Variants in SUGP2 observed in about 807,000 individuals in gnomAD.
SUGP2 encodes the protein SURP and G-patch domain containing 2, also known as SURP and G-patch domain-containing protein 2.
In SUGP2, 24 loss-of-function variants were observed where a neutral mutation model predicts 90.5. The observed-to-expected ratio is 0.27, with a 90% CI of 0.19 to 0.37. The LOEUF (loss-of-function observed/expected upper bound fraction) is 0.37, where lower values mean the gene tolerates loss of function less well. Among genes scored for constraint, SUGP2 ranks in the 10% least tolerant of loss-of-function variants. SUGP2 has a pLI of 1.00. For missense variants in SUGP2, 1,233 were observed against 1,363.3 expected, an observed-to-expected ratio of 0.90 and a Z score of 1.51; for synonymous variants, 473 against 513.4, an observed-to-expected ratio of 0.92 and a Z score of 1.06.
In SUGP2 at chr19:19,033,485, T is replaced by C; in HGVS notation, c.-60A>G. On this transcript the variant is annotated 5_prime_UTR_variant, in exon 1 of 11. Coordinates refer to ENST00000452918, the MANE Select transcript of SUGP2 (RefSeq NM_001017392.5). ...CACCCCCGCCGCCGCCTCAGGCTCC[T>C]CACCCGCCGCCGCCGCCGCGCGAGG... 1 of 1,408,822 alleles carries C rather than the reference T, an allele frequency of 7.1e-7. No individual in the cohort carries two copies. The highest frequency in any genetic ancestry group is 9.3e-7 in the Non-Finnish European group (1 of 1,080,440). 87.3% of individuals were successfully genotyped at this position (1,408,822 alleles called of 1,614,324 possible). A position where few individuals can be genotyped will look rare whatever the true frequency, so the allele number is the denominator to read the frequency against.
chr19:19,017,100 G>A (rs569773937), intron 4 of SUGP2, among the ~76,000 whole-genome samples: 88 of 152,268 alleles, frequency 5.8e-4, no homozygotes, highest in Non-Finnish European at 8.8e-4. Flanking sequence ...CTACCAAAAA[G>A]GGCACACTCA....
chr19:19,008,495 G>C, intron 5 of SUGP2, 67 bp from the exon 6 acceptor site: 1 of 1,259,336 alleles, frequency 7.9e-7, no homozygotes. Flanking sequence ...AACACTGCAG[G>C]GTTGTGGAGG....
At chr19:19,021,098 G>A (rs1346913766) in intron 3 of SUGP2, among the ~76,000 whole-genome samples, 1 of 150,164 alleles carries the variant, frequency 6.7e-6, no homozygotes, top group Non-Finnish European at 1.5e-5. Context: ...GGCTGAGATA[G>A]CGGTGAGCCG....
chr19:19,013,057 G>A (rs1160898030), intron 4 of SUGP2, among the ~76,000 whole-genome samples: 1 of 152,036 alleles, frequency 6.6e-6, no homozygotes, highest in African/African-American at 2.4e-5. Context: ...AGCAGAGATG[G>A]GGTTTCACCA....
intron 9 of SUGP2, 28 bp downstream of exon 9, chr19:18,995,116 C>A: frequency 6.4e-7 from 1 of 1,567,394 alleles, no homozygotes. Flanking sequence ...GCCCCACCCA[C>A]TCCCACCCCA....
intron 2 of SUGP2, among the ~76,000 whole-genome samples, chr19:19,030,362 T>C (rs1049156056): frequency 2.0e-5 from 3 of 151,452 alleles, no homozygotes; most frequent in Non-Finnish European, 4.4e-5. Context: ...TGGTGGTGCA[T>C]GCCCGTAATC....
chr19:19,005,072 TG>T (rs1168601960), intron 6 of SUGP2, among the ~76,000 whole-genome samples: 3 of 152,188 alleles, frequency 2.0e-5, no homozygotes, highest in Admixed American at 6.5e-5. Flanking sequence ...CAGTTACTGC[TG>T]GAACATGTGC....
At position 19,010,274 on chromosome 19, in the gene SUGP2, A is replaced by G; in HGVS notation, c.1919T>C (p.Met640Thr). The G allele has an allele frequency of 6.2e-7, 1 of 1,614,070 alleles. No individual in the cohort carries two copies. Among genetic ancestry groups the G allele is most frequent in the Non-Finnish European group, 8.5e-7 (1 of 1,180,032 alleles). Residue 640 changes from methionine to threonine, a missense_variant, in exon 5 of 11, where the codon ATG (methionine) becomes ACG (threonine). Coordinates refer to ENST00000452918, the MANE Select transcript of SUGP2 (RefSeq NM_001017392.5). ...YKLKLAEMQR[M>T]SENLRGADQK... Reference sequence around the variant, plus strand: ...GTCGGCTCCTCGCAAGTTCTCGCTCATCCGCTGCATTTCTGCCAACTTCAG... The same window carrying G: ...GTCGGCTCCTCGCAAGTTCTCGCTCGTCCGCTGCATTTCTGCCAACTTCAG...
chr19:19,003,247 ACTGT>A (rs2057919061), intron 7 of SUGP2, among the ~76,000 whole-genome samples: 1 of 152,244 alleles, frequency 6.6e-6, no homozygotes. Context: ...TGTAAATGTG[ACTGT>A]CTGAATGATG....
At chr19:19,033,560 G>A (rs1169707379), upstream of SUGP2, 3 of 1,257,490 alleles carry the variant, frequency 2.4e-6, no homozygotes, top group Admixed American at 1.3e-4. Context: ...CGCCGCGCAG[G>A]CGCAAGCCGC....
rs370072106 is a variant in SUGP2 at position 19,018,384 on chromosome 19, C to G, written c.1850+725G>C. ...GAAAGTACTATATTTAGGACGCAAA[C>G]TGTAATTTTAATAAGTTGTTCGGCC... On this transcript the variant is annotated intron_variant, in intron 4 of 10. Transcript: ENST00000452918. Among the ~76,000 whole-genome samples, 20 of 149,938 alleles carry G rather than the reference C, an allele frequency of 1.3e-4. No individual in the cohort carries two copies. The East Asian group carries it at 3.2e-3, about 24-fold the overall frequency.
rs2058616228 is a variant in SUGP2 at position 19,019,224 on chromosome 19, G to T, written c.1735C>A (p.Pro579Thr). 6.2e-7 allele frequency: 1 copy of T among 1,612,540 alleles called. No homozygotes were observed. The highest frequency in any genetic ancestry group is 8.5e-7 in the Non-Finnish European group (1 of 1,178,782). Reference sequence around the variant, plus strand: ...ACTACCCTGTGATCTGCTCGCTGGGGGACAGCTGGAACACACAGAACAGCT... The same window carrying T: ...ACTACCCTGTGATCTGCTCGCTGGGTGACAGCTGGAACACACAGAACAGCT... ...KAPSSLSDAV[P>T]QRADHRVVGT... The change falls in exon 4 of 11, where the codon CCC (proline) becomes ACC (threonine). Residue 579 changes from proline to threonine, a missense_variant. Around this residue, in one of 8 missense-constraint regions of SUGP2, gnomAD observed 540 missense variants for 542.6 expected, o/e 1.00. Transcript: ENST00000452918.
At chr19:18,994,775 G>A in intron 9 of SUGP2, 1 of 530,964 alleles carries the variant, frequency 1.9e-6, no homozygotes, top group South Asian at 2.3e-5. Context: ...GTTATGATCG[G>A]GGTTTAATAA....
intron 4 of SUGP2, among the ~76,000 whole-genome samples, chr19:19,015,129 G>A (rs1320011064): frequency 2.0e-5 from 3 of 152,024 alleles, no homozygotes; most frequent in Admixed American, 6.6e-5. Flanking sequence ...GTGAACCCGG[G>A]AGGCAGAGCT....
Position 19,024,290 on chromosome 19 carries a change from T to C in SUGP2, c.1729+329A>G, listed in dbSNP as rs56006172. On this transcript the variant is annotated intron_variant, in intron 3 of 10. Coordinates refer to ENST00000452918, the MANE Select transcript of SUGP2 (RefSeq NM_001017392.5). Reference sequence around the variant, plus strand: ...CACACCCGGCTAGTTTTTGTATTTTTAGTAGAGATGGGGTTTCACCATGTT... The same window carrying C: ...CACACCCGGCTAGTTTTTGTATTTTCAGTAGAGATGGGGTTTCACCATGTT... Among the ~76,000 whole-genome samples, 767 of 151,966 alleles carry C rather than the reference T, an allele frequency of 5.0e-3. 2 individuals are homozygous for C. Among genetic ancestry groups the C allele is most frequent in the Non-Finnish European group, 8.5e-3 (579 of 67,944 alleles).
At chr19:19,009,704 G>T in intron 5 of SUGP2, 151 bp downstream of exon 5, 1 of 965,148 alleles carries the variant, frequency 1.0e-6, no homozygotes, top group Non-Finnish European at 1.5e-6. Flanking sequence ...AAGAGAGAAA[G>T]CGCCAACATG....
At chr19:18,998,125 T>C (rs2057685252) in intron 8 of SUGP2, among the ~76,000 whole-genome samples, 1 of 152,180 alleles carries the variant, frequency 6.6e-6, no homozygotes, top group Non-Finnish European at 1.5e-5. Context: ...CCTGCCTCCA[T>C]TCATCTCTCC....
chr19:19,004,772 C>T (rs2057995592), intron 6 of SUGP2, 126 bp from the exon 7 acceptor site: 1 of 726,064 alleles, frequency 1.4e-6, no homozygotes, highest in African/African-American at 1.8e-5. Context: ...CCTGACCAGT[C>T]TCTACGCGGC....
intron 2 of SUGP2, among the ~76,000 whole-genome samples, chr19:19,030,152 AAAAAAAC>A (rs1017424995): frequency 6.6e-6 from 1 of 151,846 alleles, no homozygotes; most frequent in African/African-American, 2.4e-5. Context: ...ATATCTATTA[AAAAAAAC>A]AAAAAACAAA....
Sources: gnomAD v4.1 joint callset for allele counts (sites outside exome capture counted in the v4.1 genomes callset) on GRCh38, gnomAD v4.1.1 for gene constraint, gnomAD v4.1.1 regional missense constraint, MANE v1.5 for transcripts, NCBI Gene and HGNC (gene_info 2026-07-23, HGNC 2026-07-21) for gene names.